DCPS: variants seen among roughly 807,000 people sequenced by gnomAD.
DCPS encodes m7GpppX diphosphatase.
A neutral mutation model predicts 34.7 loss-of-function variants in DCPS; 27 were observed. The observed-to-expected ratio is 0.78, with a 90% CI of 0.57 to 1.07. The LOEUF (loss-of-function observed/expected upper bound fraction) is 1.07. DCPS is among the 50% of genes least tolerant of loss of function. DCPS has a pLI of 0.00. For synonymous variants in DCPS, 185 were observed against 185.7 expected (o/e 1.00, Z 0.03); for missense variants, 464 against 436.9 (o/e 1.06, Z -0.55).
intron 2 of DCPS, among the ~76,000 whole-genome samples, chr11:126,326,548 C>T (rs944521824): frequency 6.6e-6 from 1 of 152,130 alleles, no homozygotes; most frequent in African/African-American, 2.4e-5. Flanking sequence ...AAGGTATTGA[C>T]ACCTTAAAAA....
chr11:126,316,697 G>C (rs12575702), intron 2 of DCPS, among the ~76,000 whole-genome samples: 1 of 151,128 alleles, frequency 6.6e-6, no homozygotes, highest in Non-Finnish European at 1.5e-5. Context: ...CTGTCGCTCA[G>C]GCTGTAGTGC....
At chr11:126,307,100 C>T (rs545690966) in intron 2 of DCPS, among the ~76,000 whole-genome samples, 8 of 151,840 alleles carry the variant, frequency 5.3e-5, no homozygotes, top group South Asian at 2.1e-4. Flanking sequence ...GAGGCCACGG[C>T]GGGCAGATCA....
chr11:126,311,736 G>A (rs1341933569), intron 2 of DCPS, among the ~76,000 whole-genome samples: 1 of 152,204 alleles, frequency 6.6e-6, no homozygotes, highest in Non-Finnish European at 1.5e-5. Context: ...GATGAAGTTG[G>A]GGAAGTAGCT....
Position 126,329,443 on chromosome 11 carries a change from A to G in DCPS, c.377-1962A>G, listed in dbSNP as rs1325859517. On this transcript the variant is annotated intron_variant, in intron 2 of 5. Coordinates refer to ENST00000263579, the MANE Select transcript of DCPS (RefSeq NM_014026.6). This position sits in a 1 kb window ranked among gnomAD's most constrained non-coding sequence, Gnocchi z 5.0. ...GACGTTAAGCCCCATGCCCAAGGGT[A>G]CACAGCCAGTATGGAGAGTCATGTG... Among the ~76,000 whole-genome samples the G allele has an allele frequency of 1.3e-5, 2 of 152,236 alleles. No individual in the cohort carries two copies. Among genetic ancestry groups the G allele is most frequent in the African/African-American group, 4.8e-5 (2 of 41,464 alleles).
chr11:126,304,403 C>A, intron 1 of DCPS, 122 bp downstream of exon 1: 3 of 1,142,490 alleles, frequency 2.6e-6, no homozygotes, highest in East Asian at 2.5e-5. Context: ...TCCGGGGAGG[C>A]GGGAGTGCGC....
Position 126,333,147 on chromosome 11 carries a change from A to G in DCPS, c.522+1597A>G, listed in dbSNP as rs997719003. ...TGTGAGCCACTGTGCCTGGCCATGT[A>G]TATTCCTTATTATATACCATTATGC... On this transcript the variant is annotated intron_variant, in intron 3 of 5. Coordinates refer to ENST00000263579, the MANE Select transcript of DCPS (RefSeq NM_014026.6). The surrounding 1 kb of genome is among the most constrained non-coding windows in gnomAD (Gnocchi z 5.7). 6.6e-6 allele frequency among the ~76,000 whole-genome samples: 1 copy of G among 152,144 alleles called. No homozygotes were observed. The highest frequency in any genetic ancestry group is 2.4e-5 in the African/African-American group (1 of 41,430).
Position 126,304,124 on chromosome 11 carries a change from T to C in DCPS, c.44T>C (p.Leu15Ser), listed in dbSNP as rs781363407. 5.0e-6 allele frequency: 8 copies of C among 1,613,780 alleles called. No individual in the cohort carries two copies. In the South Asian group the frequency reaches 6.6e-5, roughly 13 times the overall value. ...CAACTAGGCAAGAGGAAGCGCGAAT[T>C]GGACGTGGAGGAGGCCCACGCCGCC... ...APQLGKRKRE[L>S]DVEEAHAAST... Residue 15 changes from leucine to serine, a missense_variant, in exon 1 of 6, where the codon TTG (leucine) becomes TCG (serine). By Grantham distance (145) the Leu-to-Ser change is moderately radical. Transcript: ENST00000263579.
Position 126,312,421 on chromosome 11 carries a change from C to G in DCPS, c.376+5677C>G, listed in dbSNP as rs1229416617. Among the ~76,000 whole-genome samples, 2 of 152,144 alleles carry G rather than the reference C, an allele frequency of 1.3e-5. No individual in the cohort carries two copies. Among genetic ancestry groups the G allele is most frequent in the East Asian group, 3.9e-4 (2 of 5,172 alleles). On this transcript the variant is annotated intron_variant, in intron 2 of 5. Coordinates refer to ENST00000263579, the MANE Select transcript of DCPS (RefSeq NM_014026.6). This position sits in a 1 kb window ranked among gnomAD's most constrained non-coding sequence, Gnocchi z 5.1. ...TGGTGCGATCTCGGCTCACTGCAAC[C>G]TCCACCTCCCGGGTTCAAGCCATTC...
In DCPS at chr11:126,320,197, CT is replaced by C. The variant is rs1951694260; in HGVS notation, c.377-11207del. ...CTACGGTGCCTGGCCGTAATATATTCTGTTCTACAGACTGTACTGTGAGGTC... is the reference window on the plus strand; with the variant it reads ...CTACGGTGCCTGGCCGTAATATATTCGTTCTACAGACTGTACTGTGAGGTC... On this transcript the variant is annotated intron_variant, in intron 2 of 5. Transcript: ENST00000263579. This position sits in a 1 kb window ranked among gnomAD's most constrained non-coding sequence, Gnocchi z 4.7. Among the ~76,000 whole-genome samples, 1 of 152,072 alleles carries C rather than the reference CT, an allele frequency of 6.6e-6. No homozygotes were observed. The highest frequency in any genetic ancestry group is 1.5e-5 in the Non-Finnish European group (1 of 68,014).
chr11:126,307,139 C>G (rs767376245), intron 2 of DCPS, among the ~76,000 whole-genome samples: 20 of 151,912 alleles, frequency 1.3e-4, no homozygotes, highest in Admixed American at 3.9e-4. Context: ...AGACCAGACT[C>G]TCGGCCAACA....
Position 126,342,522 on chromosome 11 carries a change from C to G in DCPS, c.637-785C>G, listed in dbSNP as rs916308958. Among the ~76,000 whole-genome samples the G allele has an allele frequency of 6.6e-6, 1 of 152,192 alleles. No individual in the cohort carries two copies. The highest frequency in any genetic ancestry group is 2.4e-5 in the African/African-American group (1 of 41,438). On this transcript the variant is annotated intron_variant, in intron 4 of 5. Coordinates refer to ENST00000263579, the MANE Select transcript of DCPS (RefSeq NM_014026.6). The surrounding 1 kb of genome is among the most constrained non-coding windows in gnomAD (Gnocchi z 4.4). ...ACATTCTTGCCTCCGAGTCTTTGCTCTGTTTCCTCTACCTGAATACCCTTT... is the reference window on the plus strand; with the variant it reads ...ACATTCTTGCCTCCGAGTCTTTGCTGTGTTTCCTCTACCTGAATACCCTTT...
rs962512928 is a variant in DCPS at position 126,323,907 on chromosome 11, C to T, written c.377-7498C>T. ...GTGCAGTGGCGCCATCTCGGCTCAC[C>T]GCAACCTCTACCTCCCAGGTTCAAG... is the stretch of plus-strand genomic sequence containing the variant. On this transcript the variant is annotated intron_variant, in intron 2 of 5. Transcript: ENST00000263579. This position sits in a 1 kb window ranked among gnomAD's most constrained non-coding sequence, Gnocchi z 4.4. Among the ~76,000 whole-genome samples, 60 of 152,180 alleles carry T rather than the reference C, an allele frequency of 3.9e-4. No individual in the cohort carries two copies. The highest frequency in any genetic ancestry group is 1.3e-3 in the African/African-American group (56 of 41,512).
At chr11:126,307,940 C>T (rs1045168895) in intron 2 of DCPS, among the ~76,000 whole-genome samples, 2 of 152,124 alleles carry the variant, frequency 1.3e-5, no homozygotes, top group African/African-American at 4.8e-5. Flanking sequence ...GGGTCTTGCT[C>T]ACCATACTCA....
intron 4 of DCPS, among the ~76,000 whole-genome samples, chr11:126,340,106 G>A (rs938360213): frequency 5.3e-5 from 8 of 152,294 alleles, no homozygotes; most frequent in African/African-American, 7.2e-5. Flanking sequence ...GAAATCTGCC[G>A]TCCTTCTGAC....
rs190819421 is a variant in DCPS, at chr11:126,312,876, T to C, written c.376+6132T>C. On this transcript the variant is annotated intron_variant, in intron 2 of 5. Transcript: ENST00000263579. The surrounding 1 kb of genome is among the most constrained non-coding windows in gnomAD (Gnocchi z 5.1). The stretch of plus-strand genomic sequence containing the variant: ...ATGGAAAAGTGACTGGCTCTGCCCA[T>C]GGGTAGGTTTCCTTTCTTCTTCCTG... Among the ~76,000 whole-genome samples the C allele has an allele frequency of 5.6e-3, 852 of 152,232 alleles. 6 individuals are homozygous for C. Among genetic ancestry groups the C allele is most frequent in the South Asian group, 9.3e-3 (45 of 4,822 alleles).
In DCPS at chr11:126,343,385, C is replaced by G. The variant is rs140997080; in HGVS notation, c.715C>G (p.Pro239Ala). 1 of 1,613,836 alleles carries G rather than the reference C, an allele frequency of 6.2e-7. No individual in the cohort carries two copies. The highest frequency in any genetic ancestry group is 1.1e-5 in the South Asian group (1 of 91,016). The part of the protein sequence containing the change: ...SLRDLTPEHL[P>A]LLRNILHQGQ... ...ACGCGACCTTACTCCGGAGCACTTG[C>G]CGCTGCTCAGGAACATCCTCCACCA... Residue 239 changes from proline (P) to alanine (A), a missense_variant, in exon 5 of 6, where the codon CCG (proline) becomes GCG (alanine). By Grantham distance (27) the Pro-to-Ala change is conservative. Coordinates refer to ENST00000263579, the MANE Select transcript of DCPS (RefSeq NM_014026.6).
At chr11:126,304,324 AC>A in intron 1 of DCPS, 43 bp downstream of exon 1, 1 of 1,602,506 alleles carries the variant, frequency 6.2e-7, no homozygotes, top group African/African-American at 1.3e-5. Flanking sequence ...GAAGCAGTGA[AC>A]CAATCATCGC....
chr11:126,339,998 C>T (rs1028846561), intron 4 of DCPS, among the ~76,000 whole-genome samples: 4 of 152,170 alleles, frequency 2.6e-5, no homozygotes, highest in Non-Finnish European at 4.4e-5. Context: ...AAGAGCTTGC[C>T]AGGGGATCGC....
In DCPS at chr11:126,313,454, T is replaced by C. The variant is rs1296363672; in HGVS notation, c.376+6710T>C. 6.6e-6 allele frequency among the ~76,000 whole-genome samples: 1 copy of C among 152,022 alleles called. No individual in the cohort carries two copies. Among genetic ancestry groups the C allele is most frequent in the African/African-American group, 2.4e-5 (1 of 41,384 alleles). ...TAGAAACAATCAAATAACAGTAGAG[T>C]AGGTAGATAAACCGAGGTATAGTCC... On this transcript the variant is annotated intron_variant, in intron 2 of 5. Coordinates refer to ENST00000263579, the MANE Select transcript of DCPS (RefSeq NM_014026.6). This position sits in a 1 kb window ranked among gnomAD's most constrained non-coding sequence, Gnocchi z 4.9.
Sources: gnomAD v4.1 joint callset for allele counts (sites outside exome capture counted in the v4.1 genomes callset) on GRCh38, gnomAD v4.1.1 for gene constraint, Gnocchi (gnomAD v3.1) non-coding constraint, MANE v1.5 for transcripts, NCBI Gene and HGNC (gene_info 2026-07-23, HGNC 2026-07-21) for gene names.